The following GANC variants were observed in gnomAD, a reference collection of about 807,000 sequenced individuals.
The protein encoded by GANC is glucosidase alpha, neutral C.
GANC carries 117 observed loss-of-function variants against 124.2 expected under a neutral mutation model. That is an observed-to-expected ratio of 0.94 (90% CI 0.81 to 1.10). GANC has a LOEUF of 1.10. Ranked by LOEUF, GANC falls within the 50% of genes least tolerant of loss-of-function variation. The pLI, the probability that GANC is intolerant of heterozygous loss-of-function variation, is 0.00. For synonymous variants in GANC, 377 were observed against 376.8 expected (o/e 1.00, Z -0.01); for missense variants, 1,140 against 1,095.0 (o/e 1.04, Z -0.58).
chr15:42,309,433 C>T (rs1566954696), intron 8 of GANC, among the ~76,000 whole-genome samples: 1 of 151,920 alleles, frequency 6.6e-6, no homozygotes, highest in Admixed American at 6.6e-5. Context: ...GATTCTCCTG[C>T]CTCAGCCTCC....
rs765694112 is a variant in GANC at position 42,352,012 on chromosome 15, T to C, written c.2636-18T>C. On this transcript the variant is annotated intron_variant, in intron 23 of 23. Transcript: ENST00000318010. ...GAGATTCATCAAAATTTCCCTCTTTTATTGTCTTGCTATTTAGATGGTAAA... is the reference window on the plus strand; with the variant it reads ...GAGATTCATCAAAATTTCCCTCTTTCATTGTCTTGCTATTTAGATGGTAAA... The C allele has an allele frequency of 6.2e-7, 1 of 1,613,770 alleles. No individual in the cohort carries two copies. Among genetic ancestry groups the C allele is most frequent in the South Asian group, 1.1e-5 (1 of 91,008 alleles).
chr15:42,273,542 C>G lies in GANC; in HGVS notation c.-940C>G. ...TTTGCTGTGCGGCGTAGCGGCCCCT[C>G]TCTCAGACAGTCGTCTGTGCGCCGT... On this transcript the variant is annotated 5_prime_UTR_variant, in exon 1 of 24. Coordinates refer to ENST00000318010, the MANE Select transcript of GANC (RefSeq NM_198141.3). The G allele has an allele frequency of 1.4e-6, 2 of 1,391,166 alleles. No homozygotes were observed. Among genetic ancestry groups the G allele is most frequent in the Non-Finnish European group, 1.9e-6 (2 of 1,044,424 alleles). The allele number at this position is 1,391,166 out of a possible 1,614,324, so 86.2% of individuals were successfully genotyped here. A position where few individuals can be genotyped will look rare whatever the true frequency, so the allele number is the denominator to read the frequency against.
chr15:42,321,427 C>G (rs150370629), intron 10 of GANC, among the ~76,000 whole-genome samples: 1 of 152,168 alleles, frequency 6.6e-6, no homozygotes. Flanking sequence ...TCTATTCTTC[C>G]TGTCTGGTAT....
chr15:42,310,662 T>A (rs749704363), intron 9 of GANC, 31 bp from the exon 10 acceptor site: 2 of 1,596,120 alleles, frequency 1.3e-6, no homozygotes, highest in South Asian at 2.2e-5. Flanking sequence ...AGAGGGAAAT[T>A]TCTCAAATTT....
chr15:42,283,317 T>C (rs2051362321), intron 3 of GANC, among the ~76,000 whole-genome samples: 1 of 152,224 alleles, frequency 6.6e-6, no homozygotes, highest in Non-Finnish European at 1.5e-5. Context: ...TAAAGAAGTT[T>C]CCAGAAAATA....
chr15:42,312,609 C>T (rs1052720263), intron 10 of GANC, among the ~76,000 whole-genome samples: 3 of 152,182 alleles, frequency 2.0e-5, no homozygotes, highest in Non-Finnish European at 2.9e-5. Context: ...TACAACTTCT[C>T]AATTTCAAAC....
Position 42,321,933 on chromosome 15 carries a change from T to C in GANC, c.1206T>C (p.Thr402=). 1.2e-6 allele frequency: 2 copies of C among 1,614,162 alleles called. No homozygotes were observed. Among genetic ancestry groups the C allele is most frequent in the Non-Finnish European group, 1.7e-6 (2 of 1,180,032 alleles). ...CCATGTGGCTGGACATAGAGCACAC[T>C]GAGGGCAAGAGGTACTTCACCTGGG... ...YDAMWLDIEH[T]EGKRYFTWDK... is the part of the protein sequence containing the mutation. The change falls in exon 11 of 24, where the codon ACT becomes ACC. Residue 402 remains threonine, a synonymous_variant. Coordinates refer to ENST00000318010, the MANE Select transcript of GANC (RefSeq NM_198141.3).
chr15:42,336,887 C>A (rs2052287493), intron 15 of GANC, among the ~76,000 whole-genome samples: 1 of 152,158 alleles, frequency 6.6e-6, no homozygotes, highest in African/African-American at 2.4e-5. Flanking sequence ...AAAAAAAGCT[C>A]AACATCACTG....
chr15:42,346,478 A>G (rs1341303016), intron 20 of GANC, among the ~76,000 whole-genome samples: 2 of 152,156 alleles, frequency 1.3e-5, no homozygotes, highest in African/African-American at 2.4e-5. Flanking sequence ...AAAACTGTTT[A>G]ATTGTATACT....
rs1223874373 is a variant in GANC, at chr15:42,284,687, G to A, written c.202-3004G>A. ...ACTGTGTTGCTCAGGCTGGAGTGCA[G>A]TGGTTACTCACAGGTGCAGTCATGG... On this transcript the variant is annotated intron_variant, in intron 3 of 23. Coordinates refer to ENST00000318010, the MANE Select transcript of GANC (RefSeq NM_198141.3). 3.3e-5 allele frequency among the ~76,000 whole-genome samples: 5 copies of A among 152,268 alleles called. No individual in the cohort carries two copies. The East Asian group carries it at 9.7e-4, about 29-fold the overall frequency.
rs548353758 is a variant in GANC at position 42,352,617 on chromosome 15, G to A, written c.*478G>A. On this transcript the variant is annotated 3_prime_UTR_variant, in exon 24 of 24. Coordinates refer to ENST00000318010, the MANE Select transcript of GANC (RefSeq NM_198141.3). ...GTTATCTTCCACCCACATGGACTGG[G>A]CAGAGCAGCCCTCTTCTGTGTGCAC... 9.9e-4 allele frequency: 990 copies of A among 1,000,662 alleles called. 1 individual carries two copies. Among genetic ancestry groups the A allele is most frequent in the Non-Finnish European group, 1.1e-3 (955 of 837,990 alleles). 62.0% of individuals were successfully genotyped at this position (1,000,662 alleles called of 1,614,324 possible).
At chr15:42,313,517 C>T (rs1391885290) in intron 10 of GANC, among the ~76,000 whole-genome samples, 1 of 152,188 alleles carries the variant, frequency 6.6e-6, no homozygotes, top group East Asian at 1.9e-4. Flanking sequence ...ACATGAAGAA[C>T]TGTCTACCAC....
At chr15:42,338,082 T>C (rs2052297216) in intron 15 of GANC, among the ~76,000 whole-genome samples, 1 of 151,848 alleles carries the variant, frequency 6.6e-6, no homozygotes, top group African/African-American at 2.4e-5. Context: ...ACAAACCACA[T>C]GTATTATATG....
At chr15:42,284,332 C>T (rs1432044038) in intron 3 of GANC, 1 of 265,246 alleles carries the variant, frequency 3.8e-6, no homozygotes, top group Non-Finnish European at 7.1e-6. Context: ...AAGACATAGA[C>T]AAAGCTATTT....
intron 15 of GANC, among the ~76,000 whole-genome samples, chr15:42,333,554 A>G (rs1038567226): frequency 6.6e-6 from 1 of 152,134 alleles, no homozygotes; most frequent in Non-Finnish European, 1.5e-5. Context: ...TAAGAACAAG[A>G]ACACTGGCTT....
At chr15:42,274,841 G>A (rs1458864268) in intron 1 of GANC, among the ~76,000 whole-genome samples, 1 of 152,004 alleles carries the variant, frequency 6.6e-6, no homozygotes, top group Non-Finnish European at 1.5e-5. Flanking sequence ...GGATTTGGAG[G>A]CTGCAGTGGA....
chr15:42,316,384 G>T (rs1008657184), intron 10 of GANC, among the ~76,000 whole-genome samples: 1 of 152,152 alleles, frequency 6.6e-6, no homozygotes. Context: ...ACAAGACAAG[G>T]GGGGCAGGGT....
intron 5 of GANC, among the ~76,000 whole-genome samples, chr15:42,293,886 A>G (rs1178816394): frequency 6.6e-6 from 1 of 150,820 alleles, no homozygotes; most frequent in African/African-American, 2.5e-5. Flanking sequence ...CTGTCCTACA[A>G]AAAAATACAA....
At position 42,273,412 on chromosome 15, in the gene GANC, G is replaced by C. The variant is rs899673613; in HGVS notation, c.-1070G>C. On this transcript the variant is annotated 5_prime_UTR_variant, in exon 1 of 24. Coordinates refer to ENST00000318010, the MANE Select transcript of GANC (RefSeq NM_198141.3). Reference sequence around the variant, plus strand: ...AGCCGCCGCCATCTTCACAGCCGTGGAGTGCCTACCGAAAGCATTTCACCC... The same window carrying C: ...AGCCGCCGCCATCTTCACAGCCGTGCAGTGCCTACCGAAAGCATTTCACCC... The C allele has an allele frequency of 6.2e-7, 1 of 1,613,698 alleles. No individual in the cohort carries two copies. The highest frequency in any genetic ancestry group is 1.7e-5 in the Admixed American group (1 of 60,006).
Sources: allele counts gnomAD v4.1 joint callset (sites outside exome capture counted in the v4.1 genomes callset), GRCh38; gene constraint gnomAD v4.1.1; transcripts MANE v1.5; gene names NCBI Gene and HGNC (gene_info 2026-07-23, HGNC 2026-07-21).